The following DIPK1B variants were observed in gnomAD, a reference collection of about 807,000 sequenced individuals.
The protein encoded by DIPK1B is divergent protein kinase domain 1B, also known as family with sequence similarity 69 member B.
DIPK1B carries 17 observed loss-of-function variants against 20.7 expected under a neutral mutation model. The ratio of observed to expected loss-of-function variants is 0.82; its 90% CI spans 0.56 to 1.23. The LOEUF (loss-of-function observed/expected upper bound fraction) is 1.23. DIPK1B is among the 50% of genes most tolerant of loss of function. DIPK1B has a pLI of 0.00. For synonymous variants in DIPK1B, 343 were observed against 276.5 expected, an observed-to-expected ratio of 1.24 and a Z score of -2.39; for missense variants, 648 against 601.8, an observed-to-expected ratio of 1.08 and a Z score of -0.80.
At position 136,712,601 on chromosome 9, in the gene DIPK1B, CGGGCCG is replaced by C; in HGVS notation, c.-62_-57del. On this transcript the variant is annotated 5_prime_UTR_variant, in exon 1 of 5. Coordinates refer to ENST00000371692, the MANE Select transcript of DIPK1B (RefSeq NM_152421.4). This position sits in a 1 kb window ranked among gnomAD's most constrained non-coding sequence, Gnocchi z 5.6. ...CGAGGGAGCGGCGGCCGCTGCGGGC[CGGGCCG>C]GGCCGGGGCTGAGGCCGAGCGAGCC... The C allele has an allele frequency of 1.3e-6, 1 of 778,268 alleles. No homozygotes were observed. Among genetic ancestry groups the C allele is most frequent in the Non-Finnish European group, 1.6e-6 (1 of 642,450 alleles). 48.2% of individuals were successfully genotyped at this position (778,268 alleles called of 1,614,324 possible). A position where few individuals can be genotyped will look rare whatever the true frequency, so the allele number is the denominator to read the frequency against.
chr9:136,717,076 A>G (rs927260368), intron 1 of DIPK1B, among the ~76,000 whole-genome samples: 1 of 151,956 alleles, frequency 6.6e-6, no homozygotes, highest in Non-Finnish European at 1.5e-5. Flanking sequence ...TAAAAATACA[A>G]AAATTAGCTG....
intron 4 of DIPK1B, 116 bp downstream of exon 4, chr9:136,722,417 C>T: frequency 8.6e-7 from 1 of 1,160,452 alleles, no homozygotes; most frequent in Non-Finnish European, 1.2e-6. Flanking sequence ...CAAGTGGACC[C>T]TGGGCAGACC....
intron 2 of DIPK1B, among the ~76,000 whole-genome samples, chr9:136,718,357 G>A (rs1846535382): frequency 6.6e-6 from 1 of 152,156 alleles, no homozygotes; most frequent in Non-Finnish European, 1.5e-5. Flanking sequence ...GCAGGTGGCA[G>A]GGCAAGGTCC....
chr9:136,719,579 G>T (rs1352207357), intron 2 of DIPK1B, among the ~76,000 whole-genome samples: 1 of 152,374 alleles, frequency 6.6e-6, no homozygotes, highest in East Asian at 1.9e-4. Flanking sequence ...TGCAGGCGGG[G>T]AACAGGCTGG....
At chr9:136,715,543 C>T (rs992561518) in intron 1 of DIPK1B, among the ~76,000 whole-genome samples, 4 of 151,668 alleles carry the variant, frequency 2.6e-5, no homozygotes, top group African/African-American at 9.7e-5. Context: ...GAGACGGAGC[C>T]TCACTCTGTC....
chr9:136,717,313 C>T (rs1846512514), intron 1 of DIPK1B, among the ~76,000 whole-genome samples: 1 of 152,176 alleles, frequency 6.6e-6, no homozygotes, highest in Non-Finnish European at 1.5e-5. Context: ...TTGTACCTGC[C>T]CATAACACTG....
chr9:136,714,895 C>T (rs1267549787), intron 1 of DIPK1B, among the ~76,000 whole-genome samples: 2 of 152,230 alleles, frequency 1.3e-5, no homozygotes, highest in Non-Finnish European at 2.9e-5. Flanking sequence ...CAGGGCCCAC[C>T]CATCCTGAAA....
chr9:136,721,818 T>G, intron 2 of DIPK1B, 103 bp from the exon 3 acceptor site: 1 of 997,974 alleles, frequency 1.0e-6, no homozygotes. Flanking sequence ...GCTTTCCAAC[T>G]GCAGCAAGTG....
intron 1 of DIPK1B, among the ~76,000 whole-genome samples, chr9:136,715,397 C>T (rs1256949221): frequency 6.6e-6 from 1 of 152,116 alleles, no homozygotes; most frequent in African/African-American, 2.4e-5. Context: ...CTCCTCAGGC[C>T]GGTAGGGAAA....
chr9:136,723,564 C>T lies in DIPK1B; in HGVS notation c.1086C>T (p.Ile362=). The T allele has an allele frequency of 6.3e-7, 1 of 1,597,868 alleles. No individual in the cohort carries two copies. Among genetic ancestry groups the T allele is most frequent in the Non-Finnish European group, 8.5e-7 (1 of 1,172,604 alleles). ...TGAGGCAGTGCAAGGGCGACCTCAT[C>T]CAGCCCAACCTGGCCAAGGTGTGCG... ...RLMRQCKGDL[I]QPNLAKVCAL... is the part of the protein sequence containing the mutation. Residue 362 remains isoleucine, a synonymous_variant, in exon 5 of 5, where the codon ATC becomes ATT. Transcript: ENST00000371692.
intron 2 of DIPK1B, among the ~76,000 whole-genome samples, chr9:136,718,118 C>G (rs187582048): frequency 3.5e-5 from 1 of 28,908 alleles, no homozygotes; most frequent in African/African-American, 9.0e-5. Flanking sequence ...CCCCCGTGTG[C>G]TGGCCTCACT....
chr9:136,720,556 C>G (rs1315457617), intron 2 of DIPK1B, among the ~76,000 whole-genome samples: 1 of 152,176 alleles, frequency 6.6e-6, no homozygotes. Context: ...GCCCCTGGAG[C>G]TAGGGTGGGG....
chr9:136,718,749 G>A (rs942313720), intron 2 of DIPK1B, among the ~76,000 whole-genome samples: 97 of 152,338 alleles, frequency 6.4e-4, no homozygotes, highest in African/African-American at 2.2e-3. Flanking sequence ...CAGATGGGGA[G>A]AGCACCTCTC....
At position 136,722,991 on chromosome 9, in the gene DIPK1B, G is replaced by A. The variant is rs145651315; in HGVS notation, c.513G>A (p.Pro171=). The A allele has an allele frequency of 8.1e-6, 13 of 1,608,622 alleles. No individual in the cohort carries two copies. The highest frequency in any genetic ancestry group is 1.6e-4 in the Middle Eastern group (1 of 6,064). Reference sequence around the variant, plus strand: ...ACCTGGGAGACCTGCCTTCCCTGCCGGCGCTGGTTGGCCAGGTCCTGCTCA... The same window carrying A: ...ACCTGGGAGACCTGCCTTCCCTGCCAGCGCTGGTTGGCCAGGTCCTGCTCA... ...KANLGDLPSL[P]ALVGQVLLMA... The change falls in exon 5 of 5, where the codon CCG becomes CCA. Residue 171 remains proline (P), a synonymous_variant. Coordinates refer to ENST00000371692, the MANE Select transcript of DIPK1B (RefSeq NM_152421.4).
rs1846441256 is a variant in DIPK1B at position 136,712,674 on chromosome 9, G to GCTGCGGCGC, written c.13_21dup (p.Arg5_Leu7dup). 1 of 1,304,734 alleles carries GCTGCGGCGC rather than the reference G, an allele frequency of 7.7e-7. No homozygotes were observed. The highest frequency in any genetic ancestry group is 9.7e-7 in the Non-Finnish European group (1 of 1,026,526). The allele number at this position is 1,304,734 out of a possible 1,614,324, so 80.8% of individuals were successfully genotyped here. A position where few individuals can be genotyped will look rare whatever the true frequency, so the allele number is the denominator to read the frequency against. On this transcript the variant is annotated inframe_insertion, in exon 1 of 5. Transcript: ENST00000371692. The surrounding 1 kb of genome is among the most constrained non-coding windows in gnomAD (Gnocchi z 5.6). ...CCCGGCCGGAGCCCACCATGCGGCG[G>GCTGCGGCGC]CTGCGGCGCCTGGCGCACCTGGTGC...
chr9:136,719,793 T>C (rs1250747262), intron 2 of DIPK1B, among the ~76,000 whole-genome samples: 3 of 152,216 alleles, frequency 2.0e-5, no homozygotes, highest in Non-Finnish European at 4.4e-5. Flanking sequence ...GCCCACAGGC[T>C]CCTTCCCCAG....
chr9:136,724,517 C>T lies in DIPK1B; in HGVS notation c.*743C>T, dbSNP rs1259750900. On this transcript the variant is annotated 3_prime_UTR_variant, in exon 5 of 5. Transcript: ENST00000371692. The stretch of plus-strand genomic sequence containing the variant: ...CCCTAGGAGAACAGGCAAGGACCCT[C>T]GTGGGAAGATCCCACCACAGCAACA... 2.6e-5 allele frequency: 4 copies of T among 152,328 alleles called. No individual in the cohort carries two copies. The highest frequency in any genetic ancestry group is 4.4e-5 in the Non-Finnish European group (3 of 68,132). 9.4% of individuals were successfully genotyped at this position (152,328 alleles called of 1,614,324 possible). A position where few individuals can be genotyped will look rare whatever the true frequency, so the allele number is the denominator to read the frequency against.
chr9:136,721,578 G>T, intron 2 of DIPK1B: 1 of 304,048 alleles, frequency 3.3e-6, no homozygotes, highest in Non-Finnish European at 6.3e-6. Context: ...GCGGAGAGCT[G>T]CCTCCAGGTT....
At chr9:136,720,769 G>A (rs1487950322) in intron 2 of DIPK1B, 1 of 152,308 alleles carries the variant, frequency 6.6e-6, no homozygotes, top group East Asian at 1.9e-4. Flanking sequence ...GCCTCGGAGG[G>A]CTGGGAGAGG....
Sources: gnomAD v4.1 joint callset for allele counts (sites outside exome capture counted in the v4.1 genomes callset) on GRCh38, gnomAD v4.1.1 for gene constraint, Gnocchi (gnomAD v3.1) non-coding constraint, MANE v1.5 for transcripts, NCBI Gene and HGNC (gene_info 2026-07-23, HGNC 2026-07-21) for gene names.